Variants in SMARCA4 observed in about 807,000 individuals in gnomAD.
SMARCA4 encodes the protein SWI/SNF related BAF chromatin remodeling complex subunit ATPase 4.
SMARCA4 carries 31 observed loss-of-function variants against 193.9 expected under a neutral mutation model. The ratio of observed to expected loss-of-function variants is 0.16; its 90% CI spans 0.12 to 0.22. The LOEUF (loss-of-function observed/expected upper bound fraction) is 0.22. SMARCA4 is among the 10% of genes least tolerant of loss of function. SMARCA4 has a pLI of 1.00. For synonymous variants in SMARCA4, 942 were observed against 933.1 expected (o/e 1.01, Z -0.17); for missense variants, 1,148 against 2,296.0 (o/e 0.50, Z 10.22).
In SMARCA4 at chr19:10,987,557, C is replaced by A; in HGVS notation, c.860-109C>A. On this transcript the variant is annotated intron_variant, in intron 5 of 34. Coordinates refer to ENST00000344626, the MANE Select transcript of SMARCA4 (RefSeq NM_003072.5). The surrounding 1 kb of genome is among the most constrained non-coding windows in gnomAD (Gnocchi z 5.3). The stretch of plus-strand genomic sequence containing the variant: ...CCCTGGGTGAAAGGTGGGAGATGGG[C>A]GGGGTCTGCCTGTCCCCAGTGCCTC... 1.6e-6 allele frequency: 2 copies of A among 1,254,052 alleles called. No homozygotes were observed. Among genetic ancestry groups the A allele is most frequent in the Non-Finnish European group, 2.3e-6 (2 of 864,808 alleles). 77.7% of individuals were successfully genotyped at this position (1,254,052 alleles called of 1,614,324 possible).
At chr19:11,048,227 ATT>A (rs56925661) in intron 30 of SMARCA4, among the ~76,000 whole-genome samples, 1 of 148,352 alleles carries the variant, frequency 6.7e-6, no homozygotes, top group African/African-American at 2.5e-5. Flanking sequence ...GTTTAATTGG[ATT>A]TTTTTTTTTA....
In SMARCA4 at chr19:11,023,584, T is replaced by C. The variant is rs1060504466; in HGVS notation, c.2926T>C (p.Leu976=). 2.5e-6 allele frequency: 4 copies of C among 1,613,342 alleles called. No individual in the cohort carries two copies. The highest frequency in any genetic ancestry group is 3.4e-6 in the Non-Finnish European group (4 of 1,179,684). Residue 976 remains leucine, a synonymous_variant, in exon 20 of 35, where the codon TTG becomes CTG. Transcript: ENST00000344626. ...TCTCCACAAAGTGCTGCGGCCCTTC[T>C]TGCTCCGACGACTCAAGAAGGAAGT... ...RRLHKVLRPF[L]LRRLKKEVEA...
Position 11,031,661 on chromosome 19 carries a change from G to A in SMARCA4, c.3546+768G>A, listed in dbSNP as rs981924430. On this transcript the variant is annotated intron_variant, in intron 25 of 34. Transcript: ENST00000344626. This position sits in a 1 kb window ranked among gnomAD's most constrained non-coding sequence, Gnocchi z 4.3. ...TCGGAAGCTACCCAGCCATCTAATC[G>A]GCCACCAGGCGTCCCGGCAGATGGC... is the stretch of plus-strand genomic sequence containing the variant. 1 of 152,178 alleles carries A rather than the reference G, an allele frequency of 6.6e-6. No homozygotes were observed. Among genetic ancestry groups the A allele is most frequent in the African/African-American group, 2.4e-5 (1 of 41,406 alleles). The allele number at this position is 152,178 out of a possible 1,614,324, so 9.4% of individuals were successfully genotyped here.
Position 10,985,345 on chromosome 19 carries a change from C to T in SMARCA4, c.295C>T (p.Arg99Trp), listed in dbSNP as rs778890805. ...RYNQMKGMGM[R>W]SGGHAGMGPP... ...CAACCAGATGAAAGGAATGGGGATG[C>T]GGTCAGGGGGCCATGCTGGGATGGG... The change falls in exon 3 of 35, where the codon CGG becomes TGG. Residue 99 changes from arginine to tryptophan, a missense_variant. This residue lies in a region of SMARCA4 where 201 missense variants were observed against 248.3 expected (regional missense o/e 0.81). Coordinates refer to ENST00000344626, the MANE Select transcript of SMARCA4 (RefSeq NM_003072.5). The surrounding 1 kb of genome is among the most constrained non-coding windows in gnomAD (Gnocchi z 4.5). 10 of 1,613,936 alleles carry T rather than the reference C, an allele frequency of 6.2e-6. No individual in the cohort carries two copies. The highest frequency in any genetic ancestry group is 2.2e-5 in the East Asian group (1 of 44,874).
chr19:11,034,062 A>G lies in SMARCA4; in HGVS notation c.3874-61A>G, dbSNP rs2146674405. ...CCACGGACGCCGCCGCTCGCCTCTG[A>G]GCTCGGCCGCCGCCCACCCCGGCCC... On this transcript the variant is annotated intron_variant, in intron 27 of 34. Transcript: ENST00000344626. This position sits in a 1 kb window ranked among gnomAD's most constrained non-coding sequence, Gnocchi z 7.0. The G allele has an allele frequency of 7.4e-7, 1 of 1,347,810 alleles. No homozygotes were observed. 83.5% of individuals were successfully genotyped at this position (1,347,810 alleles called of 1,614,324 possible).
chr19:10,967,962 C>T (rs1020904933), intron 1 of SMARCA4, among the ~76,000 whole-genome samples: 27 of 151,712 alleles, frequency 1.8e-4, no homozygotes, highest in Admixed American at 1.1e-3. Flanking sequence ...CTGCAATCTC[C>T]GCCTCCCGGG....
rs1438003609 is a variant in SMARCA4, at chr19:11,033,113, C to T, written c.3547-177C>T. 4.4e-6 allele frequency: 3 copies of T among 677,872 alleles called. No individual in the cohort carries two copies. The highest frequency in any genetic ancestry group is 8.1e-6 in the Non-Finnish European group (3 of 369,904). The allele number at this position is 677,872 out of a possible 1,614,324, so 42.0% of individuals were successfully genotyped here. On this transcript the variant is annotated intron_variant, in intron 25 of 34. Transcript: ENST00000344626. The surrounding 1 kb of genome is among the most constrained non-coding windows in gnomAD (Gnocchi z 9.8). ...ATGAGAGTCCCCTTCCCCCGAGGGA[C>T]ACATGGCGGCCCAGGCTCCACCAGC...
At chr19:10,982,751 G>T (rs968295270) in intron 1 of SMARCA4, among the ~76,000 whole-genome samples, 1 of 151,994 alleles carries the variant, frequency 6.6e-6, no homozygotes, top group Non-Finnish European at 1.5e-5. Context: ...TGATCTGCCC[G>T]CCTTGGCCTC....
At chr19:11,008,310 C>A in intron 14 of SMARCA4, 1 of 393,382 alleles carries the variant, frequency 2.5e-6, no homozygotes, top group Non-Finnish European at 5.0e-6. Context: ...CCTCCCTTTC[C>A]ACTACCCTCC....
intron 6 of SMARCA4, among the ~76,000 whole-genome samples, 200 bp downstream of exon 6, chr19:10,988,124 CTT>C (rs201897931): frequency 8.2e-5 from 12 of 146,342 alleles, no homozygotes; most frequent in East Asian, 2.0e-4. Context: ...AGTTCTCTCT[CTT>C]TTTTTTTTTT....
At chr19:10,966,859 G>T (rs906720123) in intron 1 of SMARCA4, among the ~76,000 whole-genome samples, 4 of 147,784 alleles carry the variant, frequency 2.7e-5, no homozygotes, top group Non-Finnish European at 6.0e-5. Flanking sequence ...CTGCACTCCA[G>T]CCTGGGCGAC....
At chr19:10,968,596 C>T (rs1173896485) in intron 1 of SMARCA4, among the ~76,000 whole-genome samples, 1 of 152,048 alleles carries the variant, frequency 6.6e-6, no homozygotes, top group Non-Finnish European at 1.5e-5. Context: ...GATCCTCCAG[C>T]CTCCACTTCC....
intron 16 of SMARCA4, among the ~76,000 whole-genome samples, chr19:11,015,487 C>T (rs753830342): frequency 9.9e-5 from 15 of 152,062 alleles, no homozygotes; most frequent in Non-Finnish European, 1.8e-4. Flanking sequence ...TGTGCCTTAG[C>T]GGGGAAGGCA....
At chr19:11,060,275 C>G (rs1043361436) in intron 34 of SMARCA4, 88 bp downstream of exon 34, 10 of 1,427,870 alleles carry the variant, frequency 7.0e-6, no homozygotes, top group Admixed American at 2.0e-5. Flanking sequence ...GGGCGGTGCT[C>G]CCACGCCCCC....
chr19:11,025,358 C>T (rs2146493008), intron 21 of SMARCA4, 64 bp from the exon 22 acceptor site: 1 of 1,101,576 alleles, frequency 9.1e-7, no homozygotes, highest in Non-Finnish European at 1.4e-6. Flanking sequence ...CCCACCCATC[C>T]ACCAAGCCCA....
At chr19:10,999,341 A>G (rs1316191195) in intron 11 of SMARCA4, among the ~76,000 whole-genome samples, 1 of 152,148 alleles carries the variant, frequency 6.6e-6, no homozygotes, top group African/African-American at 2.4e-5. Flanking sequence ...ACACATACTC[A>G]TCTGCATTGC....
intron 16 of SMARCA4, among the ~76,000 whole-genome samples, chr19:11,017,194 G>A (rs2089441493): frequency 2.0e-5 from 3 of 152,226 alleles, no homozygotes; most frequent in Non-Finnish European, 4.4e-5. Context: ...CACCCTGTGT[G>A]TGCGCCCATT....
At chr19:10,983,804 A>G in intron 1 of SMARCA4, 2 of 431,942 alleles carry the variant, frequency 4.6e-6, no homozygotes, top group Non-Finnish European at 8.7e-6. Context: ...AGCAGTGTGA[A>G]GGGTAGACCA....
rs1373012344 is a variant in SMARCA4, at chr19:11,003,029, C to G, written c.1813C>G (p.Pro605Ala). 1 of 1,614,138 alleles carries G rather than the reference C, an allele frequency of 6.2e-7. No individual in the cohort carries two copies. Among genetic ancestry groups the G allele is most frequent in the Non-Finnish European group, 8.5e-7 (1 of 1,180,014 alleles). Residue 605 changes from proline to alanine, a missense_variant and splice_region_variant, in exon 12 of 35, where the codon CCT becomes GCT. By Grantham distance (27) the Pro-to-Ala change is conservative. Around this residue, in one of 17 missense-constraint regions of SMARCA4, gnomAD observed 115 missense variants for 175.1 expected, o/e 0.66. Transcript: ENST00000344626. ...QTPAIGPDGE[P>A]LDETSQMSDL... ...TGTCACACGAATGACTCTTTTTCAGCCTCTGGACGAGACCAGCCAGATGAG... is the reference window on the plus strand; with the variant it reads ...TGTCACACGAATGACTCTTTTTCAGGCTCTGGACGAGACCAGCCAGATGAG...
Sources: allele counts gnomAD v4.1 joint callset (sites outside exome capture counted in the v4.1 genomes callset), GRCh38; gene constraint gnomAD v4.1.1; regional missense constraint gnomAD v4.1.1; non-coding constraint Gnocchi (gnomAD v3.1); transcripts MANE v1.5; gene names NCBI Gene and HGNC (gene_info 2026-07-23, HGNC 2026-07-21).